The following THSD4 variants were observed in gnomAD, a reference collection of about 807,000 sequenced individuals.
THSD4 encodes the protein thrombospondin type 1 domain containing 4.
A neutral mutation model predicts 119.0 loss-of-function variants in THSD4; 69 were observed. The observed-to-expected ratio is 0.58, with a 90% confidence interval of 0.48 to 0.71. The LOEUF (loss-of-function observed/expected upper bound fraction) is 0.71. THSD4 is among the 30% of genes least tolerant of loss of function. The pLI is 0.00. For missense variants in THSD4, 1,393 were observed against 1,391.1 expected (o/e 1.00, Z -0.02); for synonymous variants, 524 against 540.4 (o/e 0.97, Z 0.42).
rs1190110626 is a variant in THSD4 at position 71,575,514 on chromosome 15, A to T, written c.1153-85016A>T. On this transcript the variant is annotated intron_variant, in intron 7 of 17. Coordinates refer to ENST00000261862, the MANE Select transcript of THSD4 (RefSeq NM_024817.3). Reference sequence around the variant, plus strand: ...GAATGAACAAGAAGAGTACCTTCATATACCCAGAAATGCACTGGAAATCGG... The same window carrying T: ...GAATGAACAAGAAGAGTACCTTCATTTACCCAGAAATGCACTGGAAATCGG... Among the ~76,000 whole-genome samples the T allele has an allele frequency of 2.0e-5, 3 of 152,330 alleles. No individual in the cohort carries two copies. In the East Asian group the frequency reaches 5.8e-4, roughly 29 times the overall value.
chr15:71,654,562 T>C (rs1363004124), intron 7 of THSD4, among the ~76,000 whole-genome samples: 2 of 152,198 alleles, frequency 1.3e-5, no homozygotes, highest in African/African-American at 4.8e-5. Context: ...TATTGCTAAA[T>C]TGCTTTCCAG....
At chr15:71,448,877 G>A (rs1043783199) in intron 7 of THSD4, among the ~76,000 whole-genome samples, 31 of 152,342 alleles carry the variant, frequency 2.0e-4, no homozygotes, top group Non-Finnish European at 8.8e-5. Context: ...GTGGTGAAAA[G>A]TTAAATATAG....
chr15:71,566,148 C>A (rs75660583), intron 7 of THSD4, among the ~76,000 whole-genome samples: 1 of 45,326 alleles, frequency 2.2e-5, no homozygotes. Context: ...TTTTCTTTTT[C>A]TTTTTTTCTT....
At chr15:71,532,731 G>A (rs1248785696) in intron 7 of THSD4, among the ~76,000 whole-genome samples, 2 of 152,156 alleles carry the variant, frequency 1.3e-5, no homozygotes, top group African/African-American at 4.8e-5. Context: ...CTTAAAACAT[G>A]CAAAGCCATT....
intron 7 of THSD4, among the ~76,000 whole-genome samples, chr15:71,522,729 A>G (rs1441556269): frequency 1.3e-5 from 2 of 152,216 alleles, no homozygotes; most frequent in Non-Finnish European, 2.9e-5. Flanking sequence ...TGCCTCCTGG[A>G]ATAGATGATT....
chr15:71,327,651 GAA>G (rs961860274), intron 6 of THSD4, among the ~76,000 whole-genome samples: 2 of 150,082 alleles, frequency 1.3e-5, no homozygotes, highest in African/African-American at 4.9e-5. Context: ...ACCCACTGTG[GAA>G]AAAAAAATTG....
intron 17 of THSD4, among the ~76,000 whole-genome samples, chr15:71,776,577 C>T (rs2053916615): frequency 6.6e-6 from 1 of 151,920 alleles, no homozygotes; most frequent in Non-Finnish European, 1.5e-5. Context: ...ACAGTTATAC[C>T]GACTTTGGAG....
chr15:71,465,241 C>CA (rs1268328592), intron 7 of THSD4, among the ~76,000 whole-genome samples: 2 of 152,194 alleles, frequency 1.3e-5, no homozygotes, highest in Non-Finnish European at 2.9e-5. Context: ...AGGTCTCCCA[C>CA]AGGATGTTCA....
At chr15:71,658,812 A>G (rs763491663) in intron 7 of THSD4, among the ~76,000 whole-genome samples, 1 of 152,204 alleles carries the variant, frequency 6.6e-6, no homozygotes, top group South Asian at 2.1e-4. Context: ...ACTGTCAGAG[A>G]TAATGTTTTA....
chr15:71,415,040 T>C (rs527941241), intron 7 of THSD4, among the ~76,000 whole-genome samples: 1 of 152,378 alleles, frequency 6.6e-6, no homozygotes, highest in South Asian at 2.1e-4. Context: ...GAATTCAAAT[T>C]GATTTCTCTA....
intron 7 of THSD4, among the ~76,000 whole-genome samples, chr15:71,491,623 A>T (rs888048752): frequency 2.6e-5 from 4 of 152,172 alleles, no homozygotes; most frequent in African/African-American, 4.8e-5. Flanking sequence ...TGTAATCCCA[A>T]CACTTTAGGG....
chr15:71,601,057 A>G (rs2050001242), intron 7 of THSD4, among the ~76,000 whole-genome samples: 1 of 152,116 alleles, frequency 6.6e-6, no homozygotes, highest in African/African-American at 2.4e-5. Context: ...TATCATGCCT[A>G]TCTTAAAGAT....
At chr15:71,488,028 G>T (rs886694161) in intron 7 of THSD4, among the ~76,000 whole-genome samples, 5 of 151,912 alleles carry the variant, frequency 3.3e-5, no homozygotes, top group Admixed American at 3.3e-4. Flanking sequence ...AGTTATGTAG[G>T]CTGCTGCTTC....
intron 1 of THSD4, among the ~76,000 whole-genome samples, chr15:71,108,089 G>T (rs770701722): frequency 6.6e-6 from 1 of 152,222 alleles, no homozygotes; most frequent in Non-Finnish European, 1.5e-5. Flanking sequence ...CATGTGGCCT[G>T]CTTGCTGGCA....
intron 3 of THSD4, among the ~76,000 whole-genome samples, chr15:71,173,160 A>G (rs1195972180): frequency 1.3e-5 from 2 of 152,174 alleles, no homozygotes; most frequent in Non-Finnish European, 2.9e-5. Flanking sequence ...GAACTAATAA[A>G]TGAATTCACC....
chr15:71,098,175 T>C (rs998507835), intron 1 of THSD4, among the ~76,000 whole-genome samples: 6 of 139,166 alleles, frequency 4.3e-5, no homozygotes, highest in African/African-American at 1.6e-4. Context: ...AACTTTCCAA[T>C]AAAAATTCTT....
At chr15:71,596,077 A>G (rs114270050) in intron 7 of THSD4, among the ~76,000 whole-genome samples, 1 of 152,180 alleles carries the variant, frequency 6.6e-6, no homozygotes, top group Non-Finnish European at 1.5e-5. Flanking sequence ...TAAAATCACA[A>G]CCAGAATGTC....
intron 6 of THSD4, among the ~76,000 whole-genome samples, chr15:71,364,499 C>A (rs999592595): frequency 6.6e-6 from 1 of 152,152 alleles, no homozygotes; most frequent in Non-Finnish European, 1.5e-5. Flanking sequence ...TGTTCAAATG[C>A]GGAAAATGAT....
Position 71,313,673 on chromosome 15 carries a change from C to T in THSD4, c.1015+56958C>T, listed in dbSNP as rs919708019. ...CTTTGAGGGAAGGAGAGACTCTTTT[C>T]GTAAAAGTGTTTCTTAGGAGAAGCA... On this transcript the variant is annotated intron_variant, in intron 6 of 17. Transcript: ENST00000261862. Among the ~76,000 whole-genome samples, 4 of 152,126 alleles carry T rather than the reference C, an allele frequency of 2.6e-5. No homozygotes were observed. In the South Asian group the frequency reaches 6.2e-4, roughly 24 times the overall value.
Sources: gnomAD v4.1 joint callset for allele counts (sites outside exome capture counted in the v4.1 genomes callset) on GRCh38, gnomAD v4.1.1 for gene constraint, MANE v1.5 for transcripts, NCBI Gene and HGNC (gene_info 2026-07-23, HGNC 2026-07-21) for gene names.